OPHN1: variants seen among roughly 807,000 people sequenced by gnomAD.
OPHN1 encodes oligophrenin 1.
OPHN1 carries 11 observed loss-of-function variants against 60.7 expected under a neutral mutation model. The ratio of observed to expected loss-of-function variants is 0.18; its 90% CI spans 0.11 to 0.30. The LOEUF is 0.30. Ranked by LOEUF, OPHN1 falls within the 10% of genes least tolerant of loss-of-function variation. The pLI, the probability that OPHN1 is intolerant of heterozygous loss-of-function variation, is 1.00. For missense variants in OPHN1, 449 were observed against 611.0 expected, an observed-to-expected ratio of 0.73 and a Z score of 2.80; for synonymous variants, 226 against 222.6, an observed-to-expected ratio of 1.02 and a Z score of -0.14.
At chrX:68,170,577 A>G (rs1369694519) in intron 15 of OPHN1, among the ~76,000 whole-genome samples, 1 of 110,615 alleles carries the variant, frequency 9.0e-6, no homozygotes, top group Non-Finnish European at 1.9e-5. Context: ...TGTGGCACAT[A>G]TACACCGTGG....
chrX:68,107,789 C>T (rs774188880), intron 18 of OPHN1, among the ~76,000 whole-genome samples: 3 of 112,155 alleles, frequency 2.7e-5, no homozygotes, highest in Admixed American at 9.4e-5. Context: ...TCCGTTATTA[C>T]TGATGCTAAC....
At chrX:68,083,196 C>A (rs2076981748) in intron 19 of OPHN1, among the ~76,000 whole-genome samples, 1 of 102,723 alleles carries the variant, frequency 9.7e-6, no homozygotes, top group Non-Finnish European at 2.0e-5. Flanking sequence ...CCTCAGCCTC[C>A]CGAGTAGCTG....
intron 19 of OPHN1, among the ~76,000 whole-genome samples, chrX:68,096,565 A>G (rs190798240): frequency 6.5e-4 from 72 of 111,600 alleles, no homozygotes; most frequent in African/African-American, 2.1e-3. Flanking sequence ...TCATTTTCCT[A>G]TTTACCCATC....
At chrX:68,224,696 T>A (rs2077680934) in intron 6 of OPHN1, among the ~76,000 whole-genome samples, 1 of 111,657 alleles carries the variant, frequency 9.0e-6, no homozygotes, top group South Asian at 3.7e-4. Context: ...GAAGAATAAA[T>A]CACATCCAAA....
At chrX:68,309,368 A>C (rs1399974864) in intron 2 of OPHN1, among the ~76,000 whole-genome samples, 1 of 111,688 alleles carries the variant, frequency 9.0e-6, no homozygotes, top group Non-Finnish European at 1.9e-5. Flanking sequence ...CAAATACATA[A>C]AAATACTGGG....
In OPHN1 at chrX:68,193,970, A is replaced by G; in HGVS notation, c.1139-18T>C. On this transcript the variant is annotated intron_variant, in intron 13 of 24. Coordinates refer to ENST00000355520, the MANE Select transcript of OPHN1 (RefSeq NM_002547.3). ...TAGCTCCACTGTTTCAAGCAAAGGA[A>G]AAGAGTTAGATCCTGCTGCAACAGG... is the stretch of plus-strand genomic sequence containing the variant. The G allele has an allele frequency of 8.5e-7, 1 of 1,179,833 alleles. No individual in the cohort carries two copies. The highest frequency in any genetic ancestry group is 1.7e-5 in the African/African-American group (1 of 57,233).
intron 15 of OPHN1, among the ~76,000 whole-genome samples, chrX:68,178,981 C>T (rs1053051118): frequency 9.0e-6 from 1 of 111,726 alleles, no homozygotes; most frequent in Non-Finnish European, 1.9e-5. Flanking sequence ...CTGGATATCC[C>T]AATTCAAAAA....
chrX:68,429,197 C>T (rs2078873714), intron 2 of OPHN1, among the ~76,000 whole-genome samples: 1 of 110,078 alleles, frequency 9.1e-6, no homozygotes, highest in Non-Finnish European at 1.9e-5. Flanking sequence ...CAAGGGGGGG[C>T]GGACTGCCTG....
chrX:68,270,756 A>C (rs2077964422), intron 5 of OPHN1, among the ~76,000 whole-genome samples: 1 of 111,069 alleles, frequency 9.0e-6, no homozygotes, highest in African/African-American at 3.3e-5. Context: ...AAAAAAAAAG[A>C]ATCTCAAACT....
intron 21 of OPHN1, among the ~76,000 whole-genome samples, chrX:68,062,838 C>T (rs761679478): frequency 8.9e-6 from 1 of 111,973 alleles, no homozygotes; most frequent in East Asian, 2.8e-4. Context: ...TCCCCTAAAA[C>T]TCCCCTCTGG....
chrX:68,364,608 G>A (rs2078489458), intron 2 of OPHN1, among the ~76,000 whole-genome samples: 1 of 112,128 alleles, frequency 8.9e-6, no homozygotes, highest in Non-Finnish European at 1.9e-5. Context: ...GAACAGTTGA[G>A]AGAAATTCTG....
At chrX:68,317,579 A>AAGAAAGAAAGAAAG (rs1569278456) in intron 2 of OPHN1, among the ~76,000 whole-genome samples, 15 of 87,961 alleles carry the variant, frequency 1.7e-4, no homozygotes, top group African/African-American at 6.6e-4. Flanking sequence ...AAGAAAGAGA[A>AAGAAAGAAAGAAAG]AGAAAGAAAG....
intron 15 of OPHN1, chrX:68,133,496 C>T: frequency 4.1e-6 from 2 of 492,502 alleles, no homozygotes; most frequent in East Asian, 4.6e-5. Flanking sequence ...GCCTGCTGTA[C>T]ACTTTTTGCA....
chrX:68,406,759 A>G (rs565521123), intron 2 of OPHN1, among the ~76,000 whole-genome samples: 10 of 112,934 alleles, frequency 8.9e-5, no homozygotes, highest in Middle Eastern at 9.2e-3. Context: ...AAAAAATAAT[A>G]TGTAAATAAT....
rs397773163 is a variant in OPHN1 at position 68,103,624 on chromosome X, C to CT, written c.1527-6596dup. ...AAGGCTTTTGATAAAATTCAACACC[C>CT]TCCATGCTAAAACCTCTCAATAAAC... On this transcript the variant is annotated intron_variant, in intron 18 of 24. Transcript: ENST00000355520. Among the ~76,000 whole-genome samples, 3 of 109,571 alleles carry CT rather than the reference C, an allele frequency of 2.7e-5. No individual in the cohort carries two copies. The East Asian group carries it at 8.7e-4, about 32-fold the overall frequency.
At chrX:68,115,474 G>A (rs1259996991) in intron 16 of OPHN1, among the ~76,000 whole-genome samples, 2 of 112,182 alleles carry the variant, frequency 1.8e-5, no homozygotes, top group East Asian at 2.8e-4. Context: ...TGACCAAAGA[G>A]GTTAGAGAAA....
chrX:68,197,228 A>C lies in OPHN1; in HGVS notation c.1062T>G (p.Ala354=). The stretch of plus-strand genomic sequence containing the variant: ...TGGCTTCCATCCATAGCCTTCTGTT[A>C]GCTTCTGAAAGGGCCTGCAGAGTGA... The part of the protein sequence containing the change: ...GTITLQALSE[A]NRRLWMEAMD... The change falls in exon 12 of 25, where the codon GCT becomes GCG. Residue 354 remains alanine (A), a synonymous_variant. Transcript: ENST00000355520. 8.3e-7 allele frequency: 1 copy of C among 1,210,151 alleles called. No homozygotes were observed. Among genetic ancestry groups the C allele is most frequent in the Non-Finnish European group, 1.1e-6 (1 of 894,547 alleles).
intron 3 of OPHN1, among the ~76,000 whole-genome samples, chrX:68,287,021 AGAAG>A (rs995497602): frequency 9.4e-6 from 1 of 106,020 alleles, no homozygotes; most frequent in African/African-American, 3.5e-5. Flanking sequence ...AGAGAGAGAA[AGAAG>A]GAAGGAAGGC....
intron 2 of OPHN1, among the ~76,000 whole-genome samples, chrX:68,430,628 G>A (rs1253059395): frequency 1.8e-5 from 2 of 110,978 alleles, no homozygotes; most frequent in African/African-American, 6.5e-5. Flanking sequence ...TTCAAGACCA[G>A]CCTGGCTAAC....
Sources: allele counts gnomAD v4.1 joint callset (sites outside exome capture counted in the v4.1 genomes callset), GRCh38; gene constraint gnomAD v4.1.1; transcripts MANE v1.5; gene names NCBI Gene and HGNC (gene_info 2026-07-23, HGNC 2026-07-21).